PCDHA3: variants seen among roughly 807,000 people sequenced by gnomAD.
The protein encoded by PCDHA3 is protocadherin alpha 3, also known as protocadherin alpha-3.
A neutral mutation model predicts 62.2 loss-of-function variants in PCDHA3; 41 were observed. The observed-to-expected ratio is 0.66, with a 90% confidence interval of 0.51 to 0.86. The LOEUF is 0.86. Ranked by LOEUF, PCDHA3 falls within the 40% of genes least tolerant of loss-of-function variation. The pLI is 0.00. For synonymous variants in PCDHA3, 640 were observed against 555.4 expected, an observed-to-expected ratio of 1.15 and a Z score of -2.14; for missense variants, 1,304 against 1,241.2, an observed-to-expected ratio of 1.05 and a Z score of -0.76.
intron 1 of PCDHA3, among the ~76,000 whole-genome samples, chr5:140,954,014 A>G (rs782347890): frequency 1.3e-5 from 2 of 152,038 alleles, no homozygotes; most frequent in African/African-American, 4.8e-5. Context: ...CAGCTCCCAC[A>G]CATAGTGGGA....
intron 1 of PCDHA3, chr5:140,870,676 G>C (rs561705674): frequency 1.9e-6 from 3 of 1,612,584 alleles, no homozygotes; most frequent in Non-Finnish European, 2.5e-6. Flanking sequence ...GTTGGACCAC[G>C]AGGAGCTGGA....
intron 1 of PCDHA3, among the ~76,000 whole-genome samples, chr5:140,977,958 C>T (rs1912706): frequency 0.036 from 5,518 of 152,194 alleles, 299 homozygotes; most frequent in African/African-American, 0.12. Context: ...AGGGCCACCT[C>T]AATCTCCGCC....
intron 1 of PCDHA3, among the ~76,000 whole-genome samples, chr5:140,910,545 A>T (rs551984797): frequency 1.3e-5 from 2 of 152,316 alleles, no homozygotes; most frequent in East Asian, 1.9e-4. Context: ...TCTATTTTGC[A>T]AAGTATTAGT....
chr5:140,883,406 G>A, intron 1 of PCDHA3: 2 of 1,614,156 alleles, frequency 1.2e-6, no homozygotes, highest in South Asian at 2.2e-5. Context: ...TCGTGACTCT[G>A]GCTCAAATGG....
At chr5:140,938,204 C>T (rs2091973590) in intron 1 of PCDHA3, among the ~76,000 whole-genome samples, 1 of 152,136 alleles carries the variant, frequency 6.6e-6, no homozygotes, top group East Asian at 1.9e-4. Flanking sequence ...CGCCAGCCTC[C>T]CAAAGTGCTG....
chr5:140,899,485 G>T (rs2067355642), intron 1 of PCDHA3, among the ~76,000 whole-genome samples: 2 of 152,140 alleles, frequency 1.3e-5, no homozygotes, highest in African/African-American at 4.8e-5. Flanking sequence ...TTATATGCTG[G>T]ATTACATTTA....
At chr5:140,906,521 C>T (rs529787398) in intron 1 of PCDHA3, among the ~76,000 whole-genome samples, 4 of 152,330 alleles carry the variant, frequency 2.6e-5, no homozygotes, top group African/African-American at 9.6e-5. Flanking sequence ...AGGAAATACT[C>T]ACGACAATTA....
intron 1 of PCDHA3, among the ~76,000 whole-genome samples, chr5:140,911,116 C>G (rs1184319768): frequency 6.6e-6 from 1 of 152,142 alleles, no homozygotes; most frequent in Non-Finnish European, 1.5e-5. Flanking sequence ...GAAGCCATCA[C>G]TGTTGCCTCA....
rs145430316 is a variant in PCDHA3 at position 140,849,629 on chromosome 5, C to T, written c.2394+46038C>T. The T allele has an allele frequency of 6.9e-4, 1,102 of 1,598,720 alleles. 110 individuals carry two copies. The highest frequency in any genetic ancestry group is 1.2e-3 in the South Asian group (106 of 90,564). On this transcript the variant is annotated intron_variant, in intron 1 of 3. Transcript: ENST00000522353. ...CCCTGATTAGTGTGATCGACCTAGA[C>T]GCAGATGCCAACGGGCAGGTTACCT...
At chr5:140,897,032 T>C (rs2065847458) in intron 1 of PCDHA3, among the ~76,000 whole-genome samples, 2 of 152,146 alleles carry the variant, frequency 1.3e-5, no homozygotes, top group Non-Finnish European at 2.9e-5. Flanking sequence ...ATTTAGACCA[T>C]AGTCACCCTA....
intron 1 of PCDHA3, chr5:140,830,251 G>T (rs1554132671): frequency 1.2e-6 from 2 of 1,613,772 alleles, no homozygotes; most frequent in Admixed American, 1.7e-5. Flanking sequence ...TGTACACAGC[G>T]CTGCGGTGCT....
At chr5:140,896,858 A>C (rs1448787828) in intron 1 of PCDHA3, among the ~76,000 whole-genome samples, 3 of 152,192 alleles carry the variant, frequency 2.0e-5, no homozygotes, top group Non-Finnish European at 4.4e-5. Context: ...TGGGTACATA[A>C]TAAGTGTACA....
At chr5:140,978,798 G>T (rs1249216156) in intron 1 of PCDHA3, 151 bp from the exon 2 acceptor site, 2 of 1,477,414 alleles carry the variant, frequency 1.4e-6, no homozygotes, top group Admixed American at 2.3e-5. Context: ...TATATATGTA[G>T]ATATCATCAT....
intron 1 of PCDHA3, among the ~76,000 whole-genome samples, chr5:140,903,825 C>A (rs1367828043): frequency 2.0e-5 from 3 of 152,092 alleles, no homozygotes; most frequent in Admixed American, 2.0e-4. Flanking sequence ...ACATGAATGT[C>A]TGTTGGTATT....
Position 140,974,796 on chromosome 5 carries a change from G to T in PCDHA3, c.2395-4153G>T, listed in dbSNP as rs2096640726. On this transcript the variant is annotated intron_variant, in intron 1 of 3. Transcript: ENST00000522353. The stretch of plus-strand genomic sequence containing the variant: ...AGCCACTGCGCCCAGCCCTCATTTT[G>T]ATATACTAGAAGACCAATATGCAAC... Among the ~76,000 whole-genome samples the T allele has an allele frequency of 2.6e-5, 4 of 152,194 alleles. No individual in the cohort carries two copies. In the South Asian group the frequency reaches 8.3e-4, roughly 32 times the overall value.
At chr5:140,842,773 G>C in intron 1 of PCDHA3, 1 of 1,594,638 alleles carries the variant, frequency 6.3e-7, no homozygotes. Flanking sequence ...ACGCGGACGC[G>C]CAGGAGAACG....
intron 1 of PCDHA3, among the ~76,000 whole-genome samples, chr5:140,972,018 A>G (rs2096514313): frequency 6.6e-6 from 1 of 152,162 alleles, no homozygotes; most frequent in Non-Finnish European, 1.5e-5. Flanking sequence ...TTTATATGGG[A>G]TATTCAGGCA....
chr5:140,824,889 A>T (rs1412625207), intron 1 of PCDHA3: 1 of 152,054 alleles, frequency 6.6e-6, no homozygotes, highest in African/African-American at 2.4e-5. Context: ...GGTTTATTTC[A>T]ACTTTGCCTA....
intron 1 of PCDHA3, among the ~76,000 whole-genome samples, chr5:140,818,648 G>T (rs1766410159): frequency 6.6e-6 from 1 of 152,298 alleles, no homozygotes; most frequent in South Asian, 2.1e-4. Context: ...ATGAGCCTGA[G>T]CAATATAGGG....
Sources: gnomAD v4.1 joint callset for allele counts (sites outside exome capture counted in the v4.1 genomes callset) on GRCh38, gnomAD v4.1.1 for gene constraint, MANE v1.5 for transcripts, NCBI Gene and HGNC (gene_info 2026-07-23, HGNC 2026-07-21) for gene names.